RORA: variants seen among roughly 807,000 people sequenced by gnomAD.
RORA encodes the protein nuclear receptor ROR-alpha.
RORA carries 7 observed loss-of-function variants against 69.5 expected under a neutral mutation model. The ratio of observed to expected loss-of-function variants is 0.10; its 90% CI spans 0.06 to 0.19. The LOEUF (loss-of-function observed/expected upper bound fraction) is 0.19. Ranked by LOEUF, RORA falls within the 10% of genes least tolerant of loss-of-function variation. The pLI, the probability that RORA is intolerant of heterozygous loss-of-function variation, is 1.00. For missense variants in RORA, 457 were observed against 663.0 expected (o/e 0.69, Z 3.41); for synonymous variants, 261 against 240.8 (o/e 1.08, Z -0.78).
chr15:60,783,538 G>C lies in RORA; in HGVS notation c.167-104852C>G, dbSNP rs954277019. 2.6e-5 allele frequency among the ~76,000 whole-genome samples: 4 copies of C among 152,156 alleles called. No homozygotes were observed. In the South Asian group the frequency reaches 8.3e-4, roughly 32 times the overall value. Reference sequence around the variant, plus strand: ...CAAAGGGGCTTTTATTAAGGATTTTGAAAATGAAAATAATGAAATACAGAG... The same window carrying C: ...CAAAGGGGCTTTTATTAAGGATTTTCAAAATGAAAATAATGAAATACAGAG... On this transcript the variant is annotated intron_variant, in intron 1 of 10. Transcript: ENST00000335670.
chr15:61,132,751 A>C (rs1160694), intron 1 of RORA, among the ~76,000 whole-genome samples: 1 of 151,976 alleles, frequency 6.6e-6, no homozygotes, highest in Non-Finnish European at 1.5e-5. Flanking sequence ...TTTACCTACT[A>C]TTCTATAAAT....
intron 1 of RORA, among the ~76,000 whole-genome samples, chr15:61,217,383 G>A (rs1412493764): frequency 1.3e-5 from 2 of 152,120 alleles, no homozygotes; most frequent in Admixed American, 6.5e-5. Flanking sequence ...AGCTTCAAGA[G>A]GGAGAAGGTG....
chr15:60,935,402 A>G (rs2140318004), intron 1 of RORA, among the ~76,000 whole-genome samples: 1 of 152,356 alleles, frequency 6.6e-6, no homozygotes, highest in African/African-American at 2.4e-5. Flanking sequence ...TGGACTGTTC[A>G]AACCCACAGT....
chr15:60,620,903 C>G (rs1053602824), intron 2 of RORA, among the ~76,000 whole-genome samples: 1 of 152,210 alleles, frequency 6.6e-6, no homozygotes. Context: ...TGCATGTGAA[C>G]GTGGCAGGAA....
chr15:60,577,756 C>T (rs2068069058), intron 2 of RORA, among the ~76,000 whole-genome samples: 1 of 151,408 alleles, frequency 6.6e-6, no homozygotes, highest in Non-Finnish European at 1.5e-5. Flanking sequence ...ACTTATAATT[C>T]AACTTAAAAT....
chr15:61,080,596 T>C (rs568691426), intron 1 of RORA, among the ~76,000 whole-genome samples: 16 of 152,296 alleles, frequency 1.1e-4, no homozygotes, highest in African/African-American at 3.6e-4. Context: ...GTGCCTGGTA[T>C]CATTAAATCT....
intron 1 of RORA, among the ~76,000 whole-genome samples, chr15:60,947,688 T>TAAAAAAAAAAAA (rs35887206): frequency 2.9e-5 from 3 of 102,912 alleles, no homozygotes; most frequent in Admixed American, 1.1e-4. Flanking sequence ...GAATGATCAA[T>TAAAAAAAAAAAA]AAAAAAAAAA....
chr15:61,036,498 C>T lies in RORA; in HGVS notation c.166+192555G>A, dbSNP rs111731223. ...TTTGGGGTGGGCGTCCCGTGCAGCA[C>T]GCCTCTGGAACAGTCCCTTCACTGT... On this transcript the variant is annotated intron_variant, in intron 1 of 10. Transcript: ENST00000335670. Among the ~76,000 whole-genome samples, 42 of 152,238 alleles carry T rather than the reference C, an allele frequency of 2.8e-4. 2 individuals carry two copies. The highest frequency in any genetic ancestry group is 1.0e-3 in the African/African-American group (42 of 41,530).
At chr15:60,547,409 C>T (rs193027092) in intron 2 of RORA, among the ~76,000 whole-genome samples, 141 of 151,738 alleles carry the variant, frequency 9.3e-4, no homozygotes, top group Non-Finnish European at 1.1e-3. Context: ...CTGCAACCTC[C>T]ACCTCCCCCA....
chr15:60,810,074 T>G (rs545215429), intron 1 of RORA, among the ~76,000 whole-genome samples: 1 of 152,252 alleles, frequency 6.6e-6, no homozygotes, highest in South Asian at 2.1e-4. Flanking sequence ...GCTTCCTTGT[T>G]TTTTAGAGCC....
At chr15:61,192,026 G>A (rs2079804900) in intron 1 of RORA, among the ~76,000 whole-genome samples, 1 of 152,228 alleles carries the variant, frequency 6.6e-6, no homozygotes, top group African/African-American at 2.4e-5. Flanking sequence ...ACAGAGCTAC[G>A]TGTAGATTTT....
Position 60,511,479 on chromosome 15 carries a change from C to T in RORA, c.567G>A (p.Ser189=), listed in dbSNP as rs780725212. Residue 189 remains serine (S), a synonymous_variant, in exon 5 of 11, where the codon TCG becomes TCA. Coordinates refer to ENST00000335670, the MANE Select transcript of RORA (RefSeq NM_134261.3). This position sits in a 1 kb window ranked among gnomAD's most constrained non-coding sequence, Gnocchi z 6.4. ...CGTGAAGTTCCGTCAGCCCGTTGGC[C>T]GAGATGTTGTAGGTGGGCGTCAGCG... ...AEPLTPTYNI[S]ANGLTELHDD... 2.2e-5 allele frequency: 36 copies of T among 1,614,008 alleles called. No homozygotes were observed. Among genetic ancestry groups the T allele is most frequent in the African/African-American group, 2.7e-5 (2 of 74,890 alleles).
intron 1 of RORA, among the ~76,000 whole-genome samples, chr15:60,798,736 C>A (rs977331464): frequency 2.0e-5 from 3 of 152,070 alleles, no homozygotes; most frequent in African/African-American, 7.2e-5. Flanking sequence ...GGTCTGAAAG[C>A]CAGACCTTGC....
At chr15:61,062,058 G>A (rs4775354) in intron 1 of RORA, among the ~76,000 whole-genome samples, 28,424 of 151,928 alleles carry the variant, frequency 0.19, 3,189 homozygotes, top group East Asian at 0.3. Context: ...ACAAGACTCC[G>A]TCTCAAAAAA....
chr15:60,522,134 G>T (rs374513527), intron 3 of RORA, among the ~76,000 whole-genome samples: 1 of 152,096 alleles, frequency 6.6e-6, no homozygotes, highest in Non-Finnish European at 1.5e-5. Flanking sequence ...TATTAAATCT[G>T]TTATTACACA....
intron 1 of RORA, among the ~76,000 whole-genome samples, chr15:61,142,342 G>C (rs1378269398): frequency 6.6e-6 from 1 of 152,030 alleles, no homozygotes; most frequent in Non-Finnish European, 1.5e-5. Context: ...TTTTGAATAA[G>C]ACAGTCCAAT....
intron 1 of RORA, among the ~76,000 whole-genome samples, chr15:61,205,657 C>A (rs961295829): frequency 6.6e-6 from 1 of 152,158 alleles, no homozygotes; most frequent in Non-Finnish European, 1.5e-5. Context: ...GGAGCTGGCA[C>A]AGGAACAGCC....
At chr15:61,095,956 C>T (rs183524479) in intron 1 of RORA, among the ~76,000 whole-genome samples, 3 of 152,362 alleles carry the variant, frequency 2.0e-5, no homozygotes, top group East Asian at 1.9e-4. Context: ...TGGACTGCTA[C>T]TTCCTGCTGC....
Position 60,497,148 on chromosome 15 carries a change from G to T in RORA, c.*307C>A. 4.3e-6 allele frequency: 1 copy of T among 232,972 alleles called. No individual in the cohort carries two copies. 14.4% of individuals were successfully genotyped at this position (232,972 alleles called of 1,614,324 possible). ...AAAGTCTGTGGGCAGTGAGCTACAAGAAAAGGAAATCCTCCGACTTTAGTA... is the reference window on the plus strand; with the variant it reads ...AAAGTCTGTGGGCAGTGAGCTACAATAAAAGGAAATCCTCCGACTTTAGTA... On this transcript the variant is annotated 3_prime_UTR_variant, in exon 11 of 11. Transcript: ENST00000335670.
Sources: gnomAD v4.1 joint callset for allele counts (sites outside exome capture counted in the v4.1 genomes callset) on GRCh38, gnomAD v4.1.1 for gene constraint, Gnocchi (gnomAD v3.1) non-coding constraint, MANE v1.5 for transcripts, NCBI Gene and HGNC (gene_info 2026-07-23, HGNC 2026-07-21) for gene names.